The following CDK19 variants were observed in gnomAD, a reference collection of about 807,000 sequenced individuals.
CDK19 encodes the protein cyclin-dependent kinase 19.
In CDK19, 20 loss-of-function variants were observed where a neutral mutation model predicts 68.3. The observed-to-expected ratio is 0.29, with a 90% CI of 0.21 to 0.43. The LOEUF is 0.43. Ranked by LOEUF, CDK19 falls within the 20% of genes least tolerant of loss-of-function variation. The pLI is 1.00. For missense variants in CDK19, 339 were observed against 623.5 expected (o/e 0.54, Z 4.86); for synonymous variants, 221 against 222.8 (o/e 0.99, Z 0.07).
chr6:110,625,295 C>T (rs1349900301), intron 8 of CDK19, among the ~76,000 whole-genome samples: 1 of 152,006 alleles, frequency 6.6e-6, no homozygotes, highest in African/African-American at 2.4e-5. Flanking sequence ...GAGAAGTACT[C>T]ATCCTCACCA....
intron 1 of CDK19, chr6:110,814,129 G>A (rs951020172): frequency 2.3e-5 from 4 of 170,620 alleles, no homozygotes; most frequent in African/African-American, 7.2e-5. Flanking sequence ...CAACTCCTAG[G>A]AAAACAAAGG....
At chr6:110,654,942 CAAA>C (rs200143899) in intron 4 of CDK19, among the ~76,000 whole-genome samples, 5 of 110,412 alleles carry the variant, frequency 4.5e-5, no homozygotes, top group Admixed American at 9.3e-5. Flanking sequence ...ACTCTGTCTC[CAAA>C]AAAAAAAAAA....
In CDK19 at chr6:110,618,703, T is replaced by C. The variant is rs1359096548; in HGVS notation, c.1377+2401A>G. Among the ~76,000 whole-genome samples the C allele has an allele frequency of 2.0e-5, 3 of 152,136 alleles. No individual in the cohort carries two copies. The East Asian group carries it at 5.8e-4, about 29-fold the overall frequency. On this transcript the variant is annotated intron_variant, in intron 12 of 12. Coordinates refer to ENST00000368911, the MANE Select transcript of CDK19 (RefSeq NM_015076.5). ...CAGGTGGGGAAAAACAATGAACAAT[T>C]GTTCTGAGACACTGCTAGTCACAAA...
At chr6:110,658,416 T>C (rs1455100154) in intron 4 of CDK19, among the ~76,000 whole-genome samples, 1 of 152,234 alleles carries the variant, frequency 6.6e-6, no homozygotes, top group Non-Finnish European at 1.5e-5. Context: ...TTAAGTCATA[T>C]TAAAAGAAAT....
At chr6:110,801,949 T>C (rs545058474) in intron 1 of CDK19, among the ~76,000 whole-genome samples, 12 of 152,282 alleles carry the variant, frequency 7.9e-5, no homozygotes, top group Admixed American at 2.6e-4. Context: ...ACATCACTAA[T>C]CATCAGAGAA....
At chr6:110,661,524 A>C (rs1781618948) in intron 4 of CDK19, among the ~76,000 whole-genome samples, 1 of 152,128 alleles carries the variant, frequency 6.6e-6, no homozygotes, top group Admixed American at 6.6e-5. Context: ...CAAACAGCGC[A>C]CTACAGCCTT....
intron 2 of CDK19, among the ~76,000 whole-genome samples, chr6:110,677,289 C>A (rs773378201): frequency 6.6e-6 from 1 of 151,908 alleles, no homozygotes; most frequent in Non-Finnish European, 1.5e-5. Flanking sequence ...ATTGGCAGGG[C>A]GCGGTGGCTC....
At chr6:110,783,651 A>G (rs199520219) in intron 1 of CDK19, among the ~76,000 whole-genome samples, 1 of 148,718 alleles carries the variant, frequency 6.7e-6, no homozygotes, top group African/African-American at 2.5e-5. Context: ...AAAAAAAAAG[A>G]AAAAAAAAAG....
At chr6:110,652,089 A>G (rs1243334127) in intron 4 of CDK19, among the ~76,000 whole-genome samples, 2 of 152,062 alleles carry the variant, frequency 1.3e-5, no homozygotes, top group African/African-American at 4.8e-5. Context: ...AGAAACAAAC[A>G]AACAACAACA....
At chr6:110,682,370 G>A (rs1772092462) in intron 2 of CDK19, among the ~76,000 whole-genome samples, 1 of 152,042 alleles carries the variant, frequency 6.6e-6, no homozygotes, top group African/African-American at 2.4e-5. Flanking sequence ...GTGTTTTATG[G>A]CAAATAGGAG....
At chr6:110,647,458 C>A (rs766691206) in intron 4 of CDK19, among the ~76,000 whole-genome samples, 51 of 152,046 alleles carry the variant, frequency 3.4e-4, no homozygotes, top group Non-Finnish European at 1.3e-4. Flanking sequence ...TTTGGGACGA[C>A]TGGAGCAAGA....
intron 11 of CDK19, 81 bp downstream of exon 11, chr6:110,622,007 T>C: frequency 5.5e-6 from 4 of 723,568 alleles, no homozygotes; most frequent in Non-Finnish European, 9.2e-6. Flanking sequence ...GTTAAATGTA[T>C]AGGAATTATG....
At chr6:110,786,519 G>A (rs1163346762) in intron 1 of CDK19, among the ~76,000 whole-genome samples, 2 of 152,116 alleles carry the variant, frequency 1.3e-5, no homozygotes, top group East Asian at 1.9e-4. Context: ...CTTAAATGGT[G>A]CAATCCTTCT....
At chr6:110,804,083 A>T (rs1470614136) in intron 1 of CDK19, among the ~76,000 whole-genome samples, 1 of 152,074 alleles carries the variant, frequency 6.6e-6, no homozygotes, top group African/African-American at 2.4e-5. Flanking sequence ...CCAAATTTAA[A>T]TATCTACAAA....
At chr6:110,668,967 T>C (rs1429542059) in intron 3 of CDK19, among the ~76,000 whole-genome samples, 3 of 152,232 alleles carry the variant, frequency 2.0e-5, no homozygotes, top group African/African-American at 4.8e-5. Flanking sequence ...AAAATCAACA[T>C]TTATGATTAT....
At chr6:110,741,526 A>G (rs1414362448) in intron 2 of CDK19, among the ~76,000 whole-genome samples, 1 of 151,840 alleles carries the variant, frequency 6.6e-6, no homozygotes, top group East Asian at 1.9e-4. Flanking sequence ...TTCAAATTTG[A>G]TGAAAAACAT....
chr6:110,754,497 T>C (rs77310722), intron 1 of CDK19, among the ~76,000 whole-genome samples: 1 of 151,804 alleles, frequency 6.6e-6, no homozygotes, highest in Admixed American at 6.6e-5. Flanking sequence ...TTTTTTTTTT[T>C]CAAGACGGAG....
rs1777940166 is a variant in CDK19 at position 110,610,073 on chromosome 6, C to T, written c.*4462G>A. 1 of 152,154 alleles carries T rather than the reference C, an allele frequency of 6.6e-6. No homozygotes were observed. Among genetic ancestry groups the T allele is most frequent in the Non-Finnish European group, 1.5e-5 (1 of 68,036 alleles). The allele number at this position is 152,154 out of a possible 1,614,324, so 9.4% of individuals were successfully genotyped here. On this transcript the variant is annotated 3_prime_UTR_variant, in exon 13 of 13. Coordinates refer to ENST00000368911, the MANE Select transcript of CDK19 (RefSeq NM_015076.5). Reference sequence around the variant, plus strand: ...AGTCATTTCAAGAAGGAAGTCAGGTCAACTCAAAAGCAGGAAACCCTCGCT... The same window carrying T: ...AGTCATTTCAAGAAGGAAGTCAGGTTAACTCAAAAGCAGGAAACCCTCGCT...
At chr6:110,638,218 G>C (rs978790496) in intron 5 of CDK19, among the ~76,000 whole-genome samples, 1 of 152,150 alleles carries the variant, frequency 6.6e-6, no homozygotes, top group Non-Finnish European at 1.5e-5. Context: ...ATGCAGGCCA[G>C]GTGTGGTGAA....
Sources: allele counts gnomAD v4.1 joint callset (sites outside exome capture counted in the v4.1 genomes callset), GRCh38; gene constraint gnomAD v4.1.1; transcripts MANE v1.5; gene names NCBI Gene and HGNC (gene_info 2026-07-23, HGNC 2026-07-21).